The following SLC30A7 variants were observed in gnomAD, a reference collection of about 807,000 sequenced individuals.
SLC30A7 encodes zinc transporter 7.
In SLC30A7, 35 loss-of-function variants were observed where a neutral mutation model predicts 46.0. That is an observed-to-expected ratio of 0.76 (90% CI 0.58 to 1.01). The LOEUF is 1.01. Ranked by LOEUF, SLC30A7 falls within the 50% of genes least tolerant of loss-of-function variation. SLC30A7 has a pLI of 0.00. For synonymous variants in SLC30A7, 147 were observed against 157.8 expected (o/e 0.93, Z 0.51); for missense variants, 464 against 451.1 (o/e 1.03, Z -0.26).
Position 100,965,785 on chromosome 1 carries a change from GAGTTTAC to G in SLC30A7, c.960_966del (p.Ser320ArgfsTer17). ...ATATTTCAGGTACAGCAGTTGCAAG[GAGTTTAC>G]AGTTTACAGGAACAGCACTTCTGGA... On this transcript the variant is annotated frameshift_variant, in exon 10 of 11. Transcript: ENST00000357650. LOFTEE classifies it high-confidence loss of function. 1.2e-6 allele frequency: 2 copies of G among 1,613,768 alleles called. No homozygotes were observed. The highest frequency in any genetic ancestry group is 1.7e-5 in the Admixed American group (1 of 60,008).
At chr1:100,908,841 AC>A (rs970835523) in intron 3 of SLC30A7, among the ~76,000 whole-genome samples, 7 of 152,136 alleles carry the variant, frequency 4.6e-5, no homozygotes, top group African/African-American at 1.7e-4. Context: ...ACAGTAGCTG[AC>A]TATTGAAAAT....
chr1:100,938,759 C>G (rs1440136958), intron 8 of SLC30A7, among the ~76,000 whole-genome samples: 1 of 152,232 alleles, frequency 6.6e-6, no homozygotes, highest in African/African-American at 2.4e-5. Context: ...AAGAGAGCAT[C>G]TGATCTCAGG....
downstream of SLC30A7, among the ~76,000 whole-genome samples, chr1:100,982,149 T>A (rs936804691): frequency 6.6e-6 from 1 of 152,362 alleles, no homozygotes; most frequent in South Asian, 2.1e-4. Flanking sequence ...AATTCTTTTT[T>A]AAAATAACTT....
chr1:100,988,284 C>G, the SLC30A7 span, among the ~76,000 whole-genome samples: 2 of 152,158 alleles, frequency 1.3e-5, no homozygotes, highest in African/African-American at 4.8e-5. Context: ...CGCCTTACCA[C>G]ACAGTCTGGG....
the SLC30A7 span, chr1:100,992,597 C>A: frequency 7.0e-7 from 1 of 1,427,436 alleles, no homozygotes; most frequent in Admixed American, 1.7e-5. Context: ...AATGTAGTAA[C>A]AGAGGAATAA....
Position 100,965,858 on chromosome 1 carries a change from A to G in SLC30A7, c.1023A>G (p.Ile341Met). Reference sequence around the variant, plus strand: ...TTTATGTTGGGACCTTGAAATTAATAGTAGCACCTGATGCTGATGCTAGGT... The same window carrying G: ...TTTATGTTGGGACCTTGAAATTAATGGTAGCACCTGATGCTGATGCTAGGT... ...SDVYVGTLKL[I>M]VAPDADARWI... The change falls in exon 10 of 11, where the codon ATA becomes ATG. Residue 341 changes from isoleucine (I) to methionine (M), a missense_variant. Coordinates refer to ENST00000357650, the MANE Select transcript of SLC30A7 (RefSeq NM_133496.5). 6.2e-7 allele frequency: 1 copy of G among 1,614,016 alleles called. No individual in the cohort carries two copies. The highest frequency in any genetic ancestry group is 8.5e-7 in the Non-Finnish European group (1 of 1,179,882).
chr1:100,906,754 A>C (rs2101009442), intron 2 of SLC30A7, 98 bp from the exon 3 acceptor site: 1 of 774,400 alleles, frequency 1.3e-6, no homozygotes, highest in East Asian at 2.5e-5. Flanking sequence ...TTAGATGGTT[A>C]ATTCCTGATG....
chr1:100,959,573 A>G (rs1043951347), intron 8 of SLC30A7, among the ~76,000 whole-genome samples: 2 of 152,248 alleles, frequency 1.3e-5, no homozygotes, highest in Non-Finnish European at 2.9e-5. Context: ...GGGTCTGTCT[A>G]GTATTTCTCA....
At position 100,974,521 on chromosome 1, in the gene SLC30A7, T is replaced by TG. The variant is rs564160165; in HGVS notation, c.1084-288dup. Among the ~76,000 whole-genome samples, 301 of 152,336 alleles carry TG rather than the reference T, an allele frequency of 2.0e-3. 5 individuals carry two copies. In the Middle Eastern group the frequency reaches 0.024, roughly 12 times the overall value. On this transcript the variant is annotated intron_variant, in intron 10 of 10. Transcript: ENST00000357650. ...GGAGCCAACCAGTCAAGCATCATGGTGTCCTCTAACAGAGTAACTGTAGAA... is the reference window on the plus strand; with the variant it reads ...GGAGCCAACCAGTCAAGCATCATGGTGGTCCTCTAACAGAGTAACTGTAGAA...
chr1:100,926,833 A>G (rs1206490414), intron 8 of SLC30A7, among the ~76,000 whole-genome samples: 1 of 152,214 alleles, frequency 6.6e-6, no homozygotes, highest in Non-Finnish European at 1.5e-5. Flanking sequence ...CGAACATGCA[A>G]ATAGATAATG....
intron 8 of SLC30A7, among the ~76,000 whole-genome samples, chr1:100,948,393 G>A (rs370801678): frequency 5.9e-5 from 9 of 152,306 alleles, no homozygotes; most frequent in East Asian, 5.8e-4. Flanking sequence ...GGCTTTTAGG[G>A]TTTCTGCTGA....
chr1:100,995,256 C>A, the SLC30A7 span: 1 of 636,736 alleles, frequency 1.6e-6, no homozygotes. Flanking sequence ...AACACTCTTC[C>A]CTCACATTTT....
At chr1:100,942,707 T>G (rs1049182492) in intron 8 of SLC30A7, among the ~76,000 whole-genome samples, 2 of 152,240 alleles carry the variant, frequency 1.3e-5, no homozygotes, top group African/African-American at 4.8e-5. Context: ...GTTATAGCAT[T>G]TTCTATGCAA....
intron 2 of SLC30A7, 87 bp downstream of exon 2, chr1:100,896,758 A>G (rs1000065415): frequency 6.3e-6 from 7 of 1,106,304 alleles, no homozygotes; most frequent in South Asian, 2.6e-5. Flanking sequence ...GCTCCTCACT[A>G]GGAGGTTCAG....
intron 2 of SLC30A7, among the ~76,000 whole-genome samples, chr1:100,906,189 T>G (rs560458115): frequency 1.3e-5 from 2 of 152,160 alleles, no homozygotes; most frequent in South Asian, 2.1e-4. Context: ...TACTGCAGGA[T>G]TTTTTCAGGG....
In SLC30A7 at chr1:100,916,311, C is replaced by T. The variant is rs1477182734; in HGVS notation, c.656-1766C>T. ...AAGTGAATCTCCTGCCTCAGCCTCC[C>T]GAGTAGCTGGATTACAGGCGTGTGC... On this transcript the variant is annotated intron_variant, in intron 6 of 10. Coordinates refer to ENST00000357650, the MANE Select transcript of SLC30A7 (RefSeq NM_133496.5). Among the ~76,000 whole-genome samples, 9 of 152,052 alleles carry T rather than the reference C, an allele frequency of 5.9e-5. No individual in the cohort carries two copies. In the East Asian group the frequency reaches 7.7e-4, roughly 13 times the overall value.
At chr1:100,902,725 C>G (rs745889240) in intron 2 of SLC30A7, among the ~76,000 whole-genome samples, 2 of 152,274 alleles carry the variant, frequency 1.3e-5, no homozygotes, top group South Asian at 4.1e-4. Context: ...GCCTTATCTT[C>G]GCATTGTGAT....
intron 8 of SLC30A7, among the ~76,000 whole-genome samples, chr1:100,946,869 T>C (rs553090090): frequency 3.3e-5 from 5 of 152,328 alleles, no homozygotes; most frequent in African/African-American, 1.2e-4. Flanking sequence ...TGGTACCAGC[T>C]CTTCTTTGTA....
intron 8 of SLC30A7, among the ~76,000 whole-genome samples, chr1:100,959,849 C>T (rs375671016): frequency 2.6e-5 from 4 of 152,182 alleles, no homozygotes; most frequent in East Asian, 3.9e-4. Flanking sequence ...CTGCCTGTTA[C>T]GTGGACTTGA....
Sources: gnomAD v4.1 joint callset for allele counts (sites outside exome capture counted in the v4.1 genomes callset) on GRCh38, gnomAD v4.1.1 for gene constraint, MANE v1.5 for transcripts, NCBI Gene and HGNC (gene_info 2026-07-23, HGNC 2026-07-21) for gene names.